IL1RAPL2: variants seen among roughly 807,000 people sequenced by gnomAD.
IL1RAPL2 encodes the protein X-linked interleukin-1 receptor accessory protein-like 2.
Under a neutral mutation model 44.1 loss-of-function variants are expected in IL1RAPL2, and 3 were observed. That is an observed-to-expected ratio of 0.07 (90% CI 0.03 to 0.18). IL1RAPL2 has a LOEUF of 0.18. IL1RAPL2 is among the 10% of genes least tolerant of loss of function. The pLI, the probability that IL1RAPL2 is intolerant of heterozygous loss-of-function variation, is 1.00. For missense variants in IL1RAPL2, 391 were observed against 496.4 expected (o/e 0.79, Z 2.02); for synonymous variants, 181 against 178.8 (o/e 1.01, Z -0.10).
chrX:104,646,734 G>T (rs776931999), intron 1 of IL1RAPL2, among the ~76,000 whole-genome samples: 2 of 111,461 alleles, frequency 1.8e-5, no homozygotes, highest in South Asian at 7.7e-4. Flanking sequence ...AGGAAAGATA[G>T]CTGTGGAAGG....
At chrX:104,597,695 GTTCC>G (rs1478763199) in intron 1 of IL1RAPL2, among the ~76,000 whole-genome samples, 1 of 110,334 alleles carries the variant, frequency 9.1e-6, no homozygotes, top group Non-Finnish European at 1.9e-5. Context: ...AAGGTTTTTA[GTTCC>G]TTCCCCTAAA....
intron 2 of IL1RAPL2, among the ~76,000 whole-genome samples, chrX:105,037,213 A>G (rs2031645340): frequency 9.0e-6 from 1 of 111,710 alleles, no homozygotes; most frequent in Non-Finnish European, 1.9e-5. Flanking sequence ...TGTTGAATGG[A>G]AAGATAAAGG....
chrX:105,314,378 T>C (rs1329557742), intron 5 of IL1RAPL2, among the ~76,000 whole-genome samples: 1 of 110,758 alleles, frequency 9.0e-6, no homozygotes, highest in East Asian at 2.8e-4. Context: ...CAGCATGACA[T>C]ACTCTGGGCT....
At chrX:105,229,864 C>T (rs1415839516) in intron 3 of IL1RAPL2, among the ~76,000 whole-genome samples, 2 of 112,111 alleles carry the variant, frequency 1.8e-5, no homozygotes, top group Admixed American at 1.9e-4. Context: ...GTGGCACGAT[C>T]TCAGCTCACT....
At chrX:105,525,824 G>A (rs1191357235) in intron 6 of IL1RAPL2, among the ~76,000 whole-genome samples, 1 of 111,550 alleles carries the variant, frequency 9.0e-6, no homozygotes, top group Non-Finnish European at 1.9e-5. Context: ...TAGCAAGAGG[G>A]AAAAGAATAT....
chrX:105,577,896 T>C (rs1284990057), intron 6 of IL1RAPL2, among the ~76,000 whole-genome samples: 2 of 111,120 alleles, frequency 1.8e-5, no homozygotes, highest in Non-Finnish European at 3.8e-5. Flanking sequence ...TTTTTATTAT[T>C]ATACTTTAAG....
chrX:105,584,672 G>A (rs1300688402), intron 6 of IL1RAPL2, among the ~76,000 whole-genome samples: 12 of 110,959 alleles, frequency 1.1e-4, no homozygotes, highest in Non-Finnish European at 1.9e-5. Context: ...AAAATTCTAG[G>A]TTGACAGCCT....
chrX:104,975,532 G>T (rs990223727), intron 2 of IL1RAPL2, among the ~76,000 whole-genome samples: 2 of 112,460 alleles, frequency 1.8e-5, no homozygotes, highest in African/African-American at 3.2e-5. Flanking sequence ...AGTTATTTGT[G>T]AGTAATGACA....
Position 105,318,587 on chromosome X carries a change from A to G in IL1RAPL2, c.697+51046A>G, listed in dbSNP as rs780480272. 2.7e-5 allele frequency among the ~76,000 whole-genome samples: 3 copies of G among 111,197 alleles called. No individual in the cohort carries two copies. The South Asian group carries it at 1.1e-3, about 43-fold the overall frequency. ...AAGAATAAGGTGAAGGCACAGAGAG[A>G]GAAATGAACAGAGTGTGTATTGAAA... On this transcript the variant is annotated intron_variant, in intron 5 of 10. Coordinates refer to ENST00000372582, the MANE Select transcript of IL1RAPL2 (RefSeq NM_017416.2).
intron 1 of IL1RAPL2, among the ~76,000 whole-genome samples, chrX:104,578,694 G>T (rs1189911007): frequency 9.0e-6 from 1 of 111,592 alleles, no homozygotes; most frequent in Non-Finnish European, 1.9e-5. Flanking sequence ...TCAGCAGGAA[G>T]AGAGAGGGCT....
At chrX:105,610,355 T>C (rs997581442) in intron 6 of IL1RAPL2, among the ~76,000 whole-genome samples, 1 of 111,580 alleles carries the variant, frequency 9.0e-6, no homozygotes. Flanking sequence ...TACAAGGAAA[T>C]ATACATTTTA....
At chrX:104,908,268 C>G (rs1022439316) in intron 2 of IL1RAPL2, among the ~76,000 whole-genome samples, 3 of 111,758 alleles carry the variant, frequency 2.7e-5, no homozygotes, top group Non-Finnish European at 5.6e-5. Flanking sequence ...ATTTGTCAGT[C>G]CGTGTCTTTT....
At chrX:105,023,550 C>T (rs1336022507) in intron 2 of IL1RAPL2, among the ~76,000 whole-genome samples, 1 of 111,343 alleles carries the variant, frequency 9.0e-6, no homozygotes, top group Non-Finnish European at 1.9e-5. Context: ...AGAACAGTGT[C>T]CAACACAAAA....
chrX:104,921,083 T>A (rs1221545704), intron 2 of IL1RAPL2, among the ~76,000 whole-genome samples: 1 of 111,312 alleles, frequency 9.0e-6, no homozygotes, highest in Non-Finnish European at 1.9e-5. Context: ...GATCTCTGAG[T>A]TCCTAGCTAC....
At chrX:105,033,153 C>A (rs1336969892) in intron 2 of IL1RAPL2, among the ~76,000 whole-genome samples, 1 of 111,607 alleles carries the variant, frequency 9.0e-6, no homozygotes. Context: ...ATACAGCATA[C>A]TGATGGGGCT....
chrX:105,636,668 CA>C, intron 6 of IL1RAPL2, among the ~76,000 whole-genome samples: 1 of 111,479 alleles, frequency 9.0e-6, no homozygotes, highest in East Asian at 2.8e-4. Context: ...TTCACATCCC[CA>C]AAGATCTCAC....
At chrX:105,557,312 A>T (rs2036903342) in intron 6 of IL1RAPL2, among the ~76,000 whole-genome samples, 1 of 111,863 alleles carries the variant, frequency 8.9e-6, no homozygotes, top group African/African-American at 3.2e-5. Context: ...ACACAGGAAT[A>T]ACACAATGTA....
intron 5 of IL1RAPL2, among the ~76,000 whole-genome samples, chrX:105,357,695 CG>C (rs2035213758): frequency 9.5e-6 from 1 of 105,292 alleles, no homozygotes; most frequent in Non-Finnish European, 1.9e-5. Context: ...ATGGATATAA[CG>C]GCTGCATTGT....
chrX:104,946,728 C>T (rs1399248200), intron 2 of IL1RAPL2, among the ~76,000 whole-genome samples: 1 of 101,137 alleles, frequency 9.9e-6, no homozygotes, highest in African/African-American at 3.6e-5. Flanking sequence ...ATCCATGTCC[C>T]TACAAAGGAC....
Sources: allele counts gnomAD v4.1 joint callset (sites outside exome capture counted in the v4.1 genomes callset), GRCh38; gene constraint gnomAD v4.1.1; transcripts MANE v1.5; gene names NCBI Gene and HGNC (gene_info 2026-07-23, HGNC 2026-07-21).